Variants in SLC4A1 observed in about 807,000 individuals in gnomAD.
SLC4A1 encodes band 3 anion transport protein.
A neutral mutation model predicts 93.1 loss-of-function variants in SLC4A1; 29 were observed. The ratio of observed to expected loss-of-function variants is 0.31; its 90% CI spans 0.23 to 0.42. The LOEUF is 0.42. SLC4A1 is among the 20% of genes least tolerant of loss of function. The pLI, the probability that SLC4A1 is intolerant of heterozygous loss-of-function variation, is 1.00. For missense variants in SLC4A1, 965 were observed against 1,190.1 expected (o/e 0.81, Z 2.78); for synonymous variants, 469 against 497.2 (o/e 0.94, Z 0.76).
At chr17:44,266,472 C>A (rs1246010677) in intron 1 of SLC4A1, among the ~76,000 whole-genome samples, 3 of 152,148 alleles carry the variant, frequency 2.0e-5, no homozygotes, top group African/African-American at 7.2e-5. Flanking sequence ...ATCCAGAGGT[C>A]CAGGCTGCCT....
intron 1 of SLC4A1, among the ~76,000 whole-genome samples, chr17:44,265,417 T>C (rs2047488028): frequency 6.6e-6 from 1 of 152,114 alleles, no homozygotes; most frequent in African/African-American, 2.4e-5. Context: ...TCTCCCAGTC[T>C]GGAGTGCAGT....
At position 44,259,194 on chromosome 17, in the gene SLC4A1, C is replaced by A. The variant is rs1437347148; in HGVS notation, c.845G>T (p.Gly282Val). 2 of 1,614,028 alleles carry A rather than the reference C, an allele frequency of 1.2e-6. No homozygotes were observed. The highest frequency in any genetic ancestry group is 1.1e-5 in the South Asian group (1 of 91,084). Reference sequence around the variant, plus strand: ...TGACATGAGGGTGGCAGCAGCCCGGCCAAGCTGGGTGTAATCGATGTGGGG... The same window carrying A: ...TGACATGAGGGTGGCAGCAGCCCGGACAAGCTGGGTGTAATCGATGTGGGG... ...EAPHIDYTQL[G>V]RAAATLMSER... The change falls in exon 9 of 20, where the codon GGC becomes GTC. Residue 282 changes from glycine to valine, a missense_variant. Physicochemically the swap from Gly to Val is moderately radical, Grantham distance 109. This residue lies in a region of SLC4A1 where 770 missense variants were observed against 1,006.6 expected (regional missense o/e 0.76). Transcript: ENST00000262418.
chr17:44,260,682 TGA>T lies in SLC4A1; in HGVS notation c.300_301del (p.His101ProfsTer11), dbSNP rs750815470. The T allele has an allele frequency of 6.2e-7, 1 of 1,613,998 alleles. No homozygotes were observed. Among genetic ancestry groups the T allele is most frequent in the Admixed American group, 1.7e-5 (1 of 60,004 alleles). On this transcript the variant is annotated frameshift_variant, in exon 5 of 20. Coordinates refer to ENST00000262418, the MANE Select transcript of SLC4A1 (RefSeq NM_000342.4). LOFTEE classifies it high-confidence loss of function. ...CTCTAGGAGGCTCCAGAAGGTGAGGTGAGAGAGGTGCGGGCGGCCCCAGGCCC... is the reference window on the plus strand; with the variant it reads ...CTCTAGGAGGCTCCAGAAGGTGAGGTGAGAGGTGCGGGCGGCCCCAGGCCC...
chr17:44,261,724 A>G, intron 3 of SLC4A1, 88 bp from the exon 4 acceptor site: 2 of 1,609,518 alleles, frequency 1.2e-6, no homozygotes, highest in Non-Finnish European at 1.7e-6. Context: ...AGACCCAGGC[A>G]TGGGCAGATG....
chr17:44,258,281 C>T lies in SLC4A1; in HGVS notation c.1088-101G>A, dbSNP rs534161815. ...GGGAGATTGTCTGATGGGAATGGGGCGGCGAAGAAGTCTGGAAGATGTGGG... is the reference window on the plus strand; with the variant it reads ...GGGAGATTGTCTGATGGGAATGGGGTGGCGAAGAAGTCTGGAAGATGTGGG... On this transcript the variant is annotated intron_variant, in intron 10 of 19. Transcript: ENST00000262418. The surrounding 1 kb of genome is among the most constrained non-coding windows in gnomAD (Gnocchi z 6.1). 34 of 1,422,562 alleles carry T rather than the reference C, an allele frequency of 2.4e-5. No individual in the cohort carries two copies. Among genetic ancestry groups the T allele is most frequent in the East Asian group, 2.3e-4 (10 of 43,864 alleles). 88.1% of individuals were successfully genotyped at this position (1,422,562 alleles called of 1,614,324 possible).
chr17:44,259,207 A>C lies in SLC4A1; in HGVS notation c.832T>G (p.Tyr278Asp). 1 of 1,614,018 alleles carries C rather than the reference A, an allele frequency of 6.2e-7. No homozygotes were observed. The highest frequency in any genetic ancestry group is 2.2e-5 in the East Asian group (1 of 44,884). ...GCAGCAGCCCGGCCAAGCTGGGTGTAATCGATGTGGGGGGCCTCAGGTCCC... is the reference window on the plus strand; with the variant it reads ...GCAGCAGCCCGGCCAAGCTGGGTGTCATCGATGTGGGGGGCCTCAGGTCCC... Reference protein sequence around the residue: ...LLGPEAPHIDYTQLGRAAATL... With the variant: ...LLGPEAPHIDDTQLGRAAATL... The change falls in exon 9 of 20, where the codon TAC (tyrosine) becomes GAC (aspartate). Residue 278 changes from tyrosine to aspartate, a missense_variant. Physicochemically the swap from Tyr to Asp is radical, Grantham distance 160 (BLOSUM62 -3). Transcript: ENST00000262418.
rs199993796 is a variant in SLC4A1 at position 44,262,881 on chromosome 17, T to C, written c.-15A>G. 1.2e-6 allele frequency: 2 copies of C among 1,614,016 alleles called. No individual in the cohort carries two copies. The highest frequency in any genetic ancestry group is 1.7e-6 in the Non-Finnish European group (2 of 1,180,024). On this transcript the variant is annotated 5_prime_UTR_variant, in exon 2 of 20. Coordinates refer to ENST00000262418, the MANE Select transcript of SLC4A1 (RefSeq NM_000342.4). ...AGCTCCTCCATGGCGTGGTCCTGAG[T>C]GTCCAGTTGTCTACGGTGATCTGAG...
At chr17:44,252,359 C>T (rs2047351051) in intron 17 of SLC4A1, among the ~76,000 whole-genome samples, 1 of 152,078 alleles carries the variant, frequency 6.6e-6, no homozygotes, top group Non-Finnish European at 1.5e-5. Context: ...AGGTATTACC[C>T]CAATTTTACA....
At position 44,258,669 on chromosome 17, in the gene SLC4A1, A is replaced by G. The variant is rs1343022796; in HGVS notation, c.877-46T>C. On this transcript the variant is annotated intron_variant, in intron 9 of 19. Coordinates refer to ENST00000262418, the MANE Select transcript of SLC4A1 (RefSeq NM_000342.4). The surrounding 1 kb of genome is among the most constrained non-coding windows in gnomAD (Gnocchi z 6.1). ...CAGAGCTGCCCGGACCTGCGGAGGGAAAGGACCCAGGAGTCCACAGCCAGG... is the reference window on the plus strand; with the variant it reads ...CAGAGCTGCCCGGACCTGCGGAGGGGAAGGACCCAGGAGTCCACAGCCAGG... 1 of 1,542,988 alleles carries G rather than the reference A, an allele frequency of 6.5e-7. No homozygotes were observed. The highest frequency in any genetic ancestry group is 2.0e-5 in the Admixed American group (1 of 51,076).
chr17:44,257,704 G>A lies in SLC4A1; in HGVS notation c.1386C>T (p.Val462=), dbSNP rs879212113. The A allele has an allele frequency of 8.7e-6, 14 of 1,613,812 alleles. No homozygotes were observed. Among genetic ancestry groups the A allele is most frequent in the African/African-American group, 6.7e-5 (5 of 74,902 alleles). Reference sequence around the variant, plus strand: ...ACACCAGCAGGGGTCCTGAGAAGCCGACCACAAGCAGGGGCTGAGCCCCCA... The same window carrying A: ...ACACCAGCAGGGGTCCTGAGAAGCCAACCACAAGCAGGGGCTGAGCCCCCA... ...ALLGAQPLLV[V]GFSGPLLVFE... The change falls in exon 12 of 20, where the codon GTC becomes GTT. Residue 462 remains valine (V), a synonymous_variant. Coordinates refer to ENST00000262418, the MANE Select transcript of SLC4A1 (RefSeq NM_000342.4).
intron 1 of SLC4A1, among the ~76,000 whole-genome samples, chr17:44,267,165 T>G: frequency 6.6e-6 from 1 of 152,174 alleles, no homozygotes; most frequent in East Asian, 1.9e-4. Context: ...AGCACTATGC[T>G]AAGTTGCCTC....
At position 44,267,613 on chromosome 17, in the gene SLC4A1, G is replaced by A. The variant is rs182832459; in HGVS notation, c.-69+441C>T. Reference sequence around the variant, plus strand: ...GACCACGCTGGGCGTGGAGCCAGGTGCCCCAGGTAGACCCCTGGAAGTGTC... The same window carrying A: ...GACCACGCTGGGCGTGGAGCCAGGTACCCCAGGTAGACCCCTGGAAGTGTC... On this transcript the variant is annotated intron_variant, in intron 1 of 19. Transcript: ENST00000262418. Among the ~76,000 whole-genome samples, 23 of 152,334 alleles carry A rather than the reference G, an allele frequency of 1.5e-4. No individual in the cohort carries two copies. The East Asian group carries it at 3.9e-3, about 26-fold the overall frequency.
chr17:44,266,317 C>A (rs2047495608), intron 1 of SLC4A1, among the ~76,000 whole-genome samples: 2 of 152,184 alleles, frequency 1.3e-5, no homozygotes, highest in African/African-American at 4.8e-5. Flanking sequence ...TGGACTTGCC[C>A]ATGCACTTTC....
intron 1 of SLC4A1, among the ~76,000 whole-genome samples, chr17:44,263,829 G>A (rs1414077627): frequency 6.7e-6 from 1 of 150,140 alleles, no homozygotes; most frequent in African/African-American, 2.5e-5. Flanking sequence ...GAGTGCAGTG[G>A]CATGATCATA....
intron 4 of SLC4A1, 123 bp downstream of exon 4, chr17:44,261,452 C>T (rs988424095): frequency 2.6e-6 from 4 of 1,522,356 alleles, no homozygotes; most frequent in Non-Finnish European, 3.6e-6. Context: ...CCTCACTCCT[C>T]TATCTGCTGC....
chr17:44,255,317 C>T (rs1456716479), intron 14 of SLC4A1, 21 bp from the exon 15 acceptor site: 1 of 1,535,144 alleles, frequency 6.5e-7, no homozygotes, highest in Admixed American at 2.0e-5. Flanking sequence ...GTGAAAGGAC[C>T]AGTGGTCAGT....
In SLC4A1 at chr17:44,254,659, G is replaced by C; in HGVS notation, c.1894C>G (p.Leu632Val). 1 of 1,613,994 alleles carries C rather than the reference G, an allele frequency of 6.2e-7. No individual in the cohort carries two copies. The highest frequency in any genetic ancestry group is 1.1e-5 in the South Asian group (1 of 91,052). The change falls in exon 16 of 20, where the codon CTC (leucine) becomes GTC (valine). Residue 632 changes from leucine to valine, a missense_variant. Transcript: ENST00000262418. ...FFIQDTYTQK[L>V]SVPDGFKVSN... ...ACCTTGAAGCCATCAGGCACCGAGA[G>C]TTTCTGTGGGAGGGGGTAGCAGGTA...
intron 15 of SLC4A1, 23 bp downstream of exon 15, chr17:44,255,184 T>C: frequency 2.0e-6 from 3 of 1,524,802 alleles, no homozygotes; most frequent in Non-Finnish European, 2.7e-6. Flanking sequence ...TATCATGGTC[T>C]GAGGGCTGGG....
At chr17:44,250,901 C>T (rs2047332386) in intron 19 of SLC4A1, among the ~76,000 whole-genome samples, 1 of 152,206 alleles carries the variant, frequency 6.6e-6, no homozygotes, top group Non-Finnish European at 1.5e-5. Flanking sequence ...GTCCAGCTCA[C>T]TCACAGCACA....
Sources: gnomAD v4.1 joint callset for allele counts (sites outside exome capture counted in the v4.1 genomes callset) on GRCh38, gnomAD v4.1.1 for gene constraint, gnomAD v4.1.1 regional missense constraint, Gnocchi (gnomAD v3.1) non-coding constraint, MANE v1.5 for transcripts, NCBI Gene and HGNC (gene_info 2026-07-23, HGNC 2026-07-21) for gene names.